ATP8A2: variants seen among roughly 807,000 people sequenced by gnomAD.
ATP8A2 encodes ATPase phospholipid transporting 8A2.
Under a neutral mutation model 165.6 loss-of-function variants are expected in ATP8A2, and 100 were observed. The ratio of observed to expected loss-of-function variants is 0.60; its 90% CI spans 0.51 to 0.71. The LOEUF is 0.71. Ranked by LOEUF, ATP8A2 falls within the 30% of genes least tolerant of loss-of-function variation. ATP8A2 has a pLI of 0.00. For missense variants in ATP8A2, 1,227 were observed against 1,479.5 expected, an observed-to-expected ratio of 0.83 and a Z score of 2.80; for synonymous variants, 543 against 548.8, an observed-to-expected ratio of 0.99 and a Z score of 0.15.
At chr13:25,867,225 C>T (rs1274817659) in intron 33 of ATP8A2, among the ~76,000 whole-genome samples, 1 of 151,064 alleles carries the variant, frequency 6.6e-6, no homozygotes, top group African/African-American at 2.4e-5. Context: ...CAATGCAAAT[C>T]CCAGTGGACT....
At chr13:25,527,666 A>C (rs766066402) in intron 2 of ATP8A2, among the ~76,000 whole-genome samples, 9 of 152,148 alleles carry the variant, frequency 5.9e-5, no homozygotes, top group Non-Finnish European at 1.3e-4. Flanking sequence ...GTAGAGTAAA[A>C]GTTAGTATGC....
At chr13:25,425,820 C>T (rs2034434817) in intron 1 of ATP8A2, among the ~76,000 whole-genome samples, 1 of 152,184 alleles carries the variant, frequency 6.6e-6, no homozygotes. Context: ...TTGTGATCCG[C>T]CCGCCTCCGC....
intron 24 of ATP8A2, among the ~76,000 whole-genome samples, chr13:25,674,927 C>T (rs1259728140): frequency 6.6e-6 from 1 of 152,182 alleles, no homozygotes; most frequent in Non-Finnish European, 1.5e-5. Context: ...GCTGGTCGTG[C>T]TACTGAGTAG....
intron 24 of ATP8A2, among the ~76,000 whole-genome samples, chr13:25,596,880 G>A (rs2040249388): frequency 6.6e-6 from 1 of 152,144 alleles, no homozygotes; most frequent in South Asian, 2.1e-4. Flanking sequence ...AGTATTACCT[G>A]CGAGTTTTCA....
chr13:25,570,636 T>C (rs1310824488), intron 16 of ATP8A2, 131 bp from the exon 17 acceptor site: 1 of 649,528 alleles, frequency 1.5e-6, no homozygotes, highest in Non-Finnish European at 2.7e-6. Flanking sequence ...CTGAGGTCCA[T>C]ATTAAGGACC....
chr13:25,640,152 G>A (rs1211616330), intron 24 of ATP8A2, among the ~76,000 whole-genome samples: 1 of 152,104 alleles, frequency 6.6e-6, no homozygotes, highest in Non-Finnish European at 1.5e-5. Flanking sequence ...GAGAAAGCAG[G>A]AAAGATCTAA....
chr13:25,543,615 G>C (rs999111007), intron 10 of ATP8A2, among the ~76,000 whole-genome samples: 9 of 152,024 alleles, frequency 5.9e-5, no homozygotes, highest in African/African-American at 1.9e-4. Flanking sequence ...AACTACAAAT[G>C]GTCTTTGTTT....
chr13:25,761,941 A>G (rs865925372), intron 25 of ATP8A2, among the ~76,000 whole-genome samples: 15 of 151,914 alleles, frequency 9.9e-5, no homozygotes, highest in African/African-American at 3.4e-4. Flanking sequence ...GTAAGGACAA[A>G]GATTGTTGTC....
chr13:25,630,324 C>T (rs1339298200), intron 24 of ATP8A2, among the ~76,000 whole-genome samples: 1 of 152,172 alleles, frequency 6.6e-6, no homozygotes, highest in Admixed American at 6.5e-5. Flanking sequence ...AAGCCCACTC[C>T]AGATATTGTT....
At chr13:25,743,399 T>G (rs906816317) in intron 25 of ATP8A2, among the ~76,000 whole-genome samples, 1 of 152,186 alleles carries the variant, frequency 6.6e-6, no homozygotes, top group African/African-American at 2.4e-5. Flanking sequence ...CCATCCAGTT[T>G]ATGGTGCTTG....
At chr13:25,678,761 G>T (rs879356980) in intron 24 of ATP8A2, among the ~76,000 whole-genome samples, 2 of 152,304 alleles carry the variant, frequency 1.3e-5, no homozygotes, top group South Asian at 4.1e-4. Flanking sequence ...CACTTGCTCC[G>T]TGACCTTGGG....
chr13:26,015,681 C>T (rs1956954204), intron 36 of ATP8A2, among the ~76,000 whole-genome samples: 1 of 152,184 alleles, frequency 6.6e-6, no homozygotes, highest in Non-Finnish European at 1.5e-5. Context: ...TTCCTCCCAC[C>T]TCCTTTCACC....
chr13:25,550,992 C>T (rs1356225960), intron 10 of ATP8A2, among the ~76,000 whole-genome samples: 3 of 152,116 alleles, frequency 2.0e-5, no homozygotes, highest in Non-Finnish European at 4.4e-5. Flanking sequence ...CTTGAATTAC[C>T]AGTGTTCTGA....
At chr13:25,864,558 C>G (rs1375956526) in intron 33 of ATP8A2, among the ~76,000 whole-genome samples, 1 of 152,188 alleles carries the variant, frequency 6.6e-6, no homozygotes, top group Non-Finnish European at 1.5e-5. Flanking sequence ...ACTCTTCCAG[C>G]AGAACTTTAG....
intron 33 of ATP8A2, chr13:25,863,486 T>TG (rs1952414373): frequency 6.6e-6 from 1 of 152,314 alleles, no homozygotes; most frequent in Non-Finnish European, 1.5e-5. Flanking sequence ...GCAGGATGCT[T>TG]GTGCAGGGGC....
At chr13:25,951,539 C>T (rs117754655) in intron 33 of ATP8A2, among the ~76,000 whole-genome samples, 1 of 152,104 alleles carries the variant, frequency 6.6e-6, no homozygotes, top group Non-Finnish European at 1.5e-5. Flanking sequence ...TGGAAATGTT[C>T]TATATTTTGT....
At chr13:25,843,680 C>T (rs1229160269) in intron 30 of ATP8A2, among the ~76,000 whole-genome samples, 1 of 152,152 alleles carries the variant, frequency 6.6e-6, no homozygotes, top group African/African-American at 2.4e-5. Flanking sequence ...ATAATCCATG[C>T]AGTTTATAGT....
intron 1 of ATP8A2, among the ~76,000 whole-genome samples, chr13:25,464,119 A>C (rs555394340): frequency 4.6e-5 from 7 of 152,246 alleles, no homozygotes; most frequent in Admixed American, 6.5e-5. Context: ...TGCTGTGAAG[A>C]CTTTCCTCTG....
At chr13:25,541,617 T>C (rs1593496580) in intron 8 of ATP8A2, among the ~76,000 whole-genome samples, 1 of 152,224 alleles carries the variant, frequency 6.6e-6, no homozygotes, top group African/African-American at 2.4e-5. Context: ...GCTAGTAGAT[T>C]ATGCTTGCTG....
Sources: gnomAD v4.1 joint callset for allele counts (sites outside exome capture counted in the v4.1 genomes callset) on GRCh38, gnomAD v4.1.1 for gene constraint, MANE v1.5 for transcripts, NCBI Gene and HGNC (gene_info 2026-07-23, HGNC 2026-07-21) for gene names.